SNX29: variants seen among roughly 807,000 people sequenced by gnomAD.
SNX29 encodes the protein sorting nexin-29.
Under a neutral mutation model 102.1 loss-of-function variants are expected in SNX29, and 78 were observed. The observed-to-expected ratio is 0.76, with a 90% confidence interval of 0.64 to 0.92. The LOEUF (loss-of-function observed/expected upper bound fraction) is 0.92, where lower values mean the gene tolerates loss of function less well. SNX29 is among the 40% of genes least tolerant of loss of function. The pLI is 0.00. For synonymous variants in SNX29, 580 were observed against 414.5 expected, an observed-to-expected ratio of 1.40 and a Z score of -4.85; for missense variants, 1,280 against 1,061.7, an observed-to-expected ratio of 1.21 and a Z score of -2.86.
intron 20 of SNX29, among the ~76,000 whole-genome samples, chr16:12,542,491 C>G (rs1172721380): frequency 6.6e-6 from 1 of 152,244 alleles, no homozygotes; most frequent in Non-Finnish European, 1.5e-5. Flanking sequence ...ACTACCACAC[C>G]TGGCTCATTT....
intron 20 of SNX29, among the ~76,000 whole-genome samples, chr16:12,544,563 G>A (rs991026119): frequency 6.6e-6 from 1 of 152,176 alleles, no homozygotes; most frequent in African/African-American, 2.4e-5. Context: ...TTACAGTGAT[G>A]GATTCATTGT....
chr16:12,048,479 G>A lies in SNX29; in HGVS notation c.607G>A (p.Val203Met), dbSNP rs764739741. The change falls in exon 7 of 21, where the codon GTG becomes ATG. Residue 203 changes from valine to methionine, a missense_variant. Transcript: ENST00000566228. ...CCTCTTAAAGGAGTCAACGCAGAAC[G>A]TGACCTCCTTGCTGAAGGAGTCCAC... is the stretch of plus-strand genomic sequence containing the variant. ...SDLLKESTQNVTSLLKESTQG... is the reference protein window; with the variant it reads ...SDLLKESTQNMTSLLKESTQG... 25 of 1,613,778 alleles carry A rather than the reference G, an allele frequency of 1.5e-5. No homozygotes were observed. Among genetic ancestry groups the A allele is most frequent in the East Asian group, 1.3e-4 (6 of 44,886 alleles).
At chr16:12,266,321 C>G (rs1188546059) in intron 14 of SNX29, among the ~76,000 whole-genome samples, 1 of 152,186 alleles carries the variant, frequency 6.6e-6, no homozygotes, top group Non-Finnish European at 1.5e-5. Context: ...AATTCTCCAA[C>G]ACCAGCCGGG....
At chr16:12,146,993 G>T (rs987587674) in intron 13 of SNX29, among the ~76,000 whole-genome samples, 1 of 152,192 alleles carries the variant, frequency 6.6e-6, no homozygotes. Context: ...GAGCAATCAC[G>T]TACAAGGGAG....
chr16:12,209,390 A>G (rs1321771343), intron 14 of SNX29, among the ~76,000 whole-genome samples: 1 of 152,026 alleles, frequency 6.6e-6, no homozygotes, highest in Non-Finnish European at 1.5e-5. Context: ...GGGTTTTGCC[A>G]TGTTGGCCAG....
intron 13 of SNX29, among the ~76,000 whole-genome samples, chr16:12,188,697 G>A (rs1226760472): frequency 6.6e-6 from 1 of 152,166 alleles, no homozygotes; most frequent in Admixed American, 6.5e-5. Flanking sequence ...AATAGTGCAA[G>A]GATGGTTACG....
intron 20 of SNX29, among the ~76,000 whole-genome samples, chr16:12,554,669 C>T (rs565397232): frequency 7.2e-5 from 11 of 152,328 alleles, no homozygotes; most frequent in Non-Finnish European, 1.6e-4. Context: ...TTGCTAACCA[C>T]AGGGATGCCA....
At chr16:12,034,508 C>G (rs1161895687) in intron 4 of SNX29, among the ~76,000 whole-genome samples, 1 of 152,182 alleles carries the variant, frequency 6.6e-6, no homozygotes. Context: ...GGGTGCTGTA[C>G]CCGTTGGGCT....
intron 18 of SNX29, among the ~76,000 whole-genome samples, chr16:12,448,948 A>C (rs2086183427): frequency 6.6e-6 from 1 of 152,204 alleles, no homozygotes; most frequent in Non-Finnish European, 1.5e-5. Flanking sequence ...CCCAGTGATT[A>C]TCTCTCCAAG....
intron 19 of SNX29, among the ~76,000 whole-genome samples, chr16:12,517,329 G>A (rs1215708550): frequency 1.3e-5 from 2 of 152,180 alleles, no homozygotes; most frequent in Non-Finnish European, 2.9e-5. Context: ...GGGGGTCAGG[G>A]CCCTTCCTGG....
chr16:12,416,259 A>G (rs1468033624), intron 18 of SNX29, among the ~76,000 whole-genome samples: 1 of 152,076 alleles, frequency 6.6e-6, no homozygotes, highest in Non-Finnish European at 1.5e-5. Context: ...CACAGACGCA[A>G]GCAGAGCCCC....
At chr16:12,477,116 A>G (rs2087690703) in intron 18 of SNX29, among the ~76,000 whole-genome samples, 1 of 152,226 alleles carries the variant, frequency 6.6e-6, no homozygotes, top group Non-Finnish European at 1.5e-5. Context: ...AGTATTCTCT[A>G]AGGAGTCATA....
At chr16:12,379,418 C>G (rs946409813) in intron 16 of SNX29, among the ~76,000 whole-genome samples, 3 of 152,214 alleles carry the variant, frequency 2.0e-5, no homozygotes, top group African/African-American at 7.2e-5. Flanking sequence ...CCACTATTCC[C>G]AGCCATTTTC....
intron 4 of SNX29, among the ~76,000 whole-genome samples, chr16:12,036,404 G>A (rs373514313): frequency 1.4e-5 from 2 of 146,284 alleles, no homozygotes; most frequent in Admixed American, 7.0e-5. Context: ...GCACCATCTC[G>A]GCTCACTGCC....
At chr16:12,173,781 C>T (rs1426366672) in intron 13 of SNX29, among the ~76,000 whole-genome samples, 1 of 152,144 alleles carries the variant, frequency 6.6e-6, no homozygotes, top group Non-Finnish European at 1.5e-5. Context: ...GCTGCTGCCC[C>T]TCTGCTTCTT....
intron 20 of SNX29, among the ~76,000 whole-genome samples, chr16:12,551,692 T>C (rs2077986186): frequency 6.6e-6 from 1 of 152,178 alleles, no homozygotes; most frequent in South Asian, 2.1e-4. Context: ...AGTACCACCC[T>C]CCTTTCAGGT....
intron 2 of SNX29, 61 bp from the exon 3 acceptor site, chr16:12,002,930 T>A (rs2056338854): frequency 3.1e-6 from 5 of 1,603,234 alleles, no homozygotes; most frequent in Non-Finnish European, 4.3e-6. Context: ...GTAGGCTGTT[T>A]TATGACGTTT....
At chr16:12,045,429 C>T (rs556612784) in intron 5 of SNX29, among the ~76,000 whole-genome samples, 45 of 152,046 alleles carry the variant, frequency 3.0e-4, no homozygotes, top group South Asian at 8.3e-4. Flanking sequence ...AAGTTGGACT[C>T]GGGAGACCTG....
At chr16:12,293,235 C>G (rs1596788991) in intron 15 of SNX29, among the ~76,000 whole-genome samples, 1 of 152,200 alleles carries the variant, frequency 6.6e-6, no homozygotes, top group East Asian at 1.9e-4. Flanking sequence ...AGTCACCACG[C>G]CTGACCCCAT....
Sources: gnomAD v4.1 joint callset for allele counts (sites outside exome capture counted in the v4.1 genomes callset) on GRCh38, gnomAD v4.1.1 for gene constraint, MANE v1.5 for transcripts, NCBI Gene and HGNC (gene_info 2026-07-23, HGNC 2026-07-21) for gene names.